CMKLR2: variants seen among roughly 807,000 people sequenced by gnomAD.
The protein encoded by CMKLR2 is chemerin-like receptor 2.
CMKLR2 carries 18 observed loss-of-function variants against 23.0 expected under a neutral mutation model. The observed-to-expected ratio is 0.78, with a 90% CI of 0.54 to 1.16. The LOEUF is 1.16. Ranked by LOEUF, CMKLR2 falls within the 50% of genes most tolerant of loss-of-function variation. The pLI, the probability that CMKLR2 is intolerant of heterozygous loss-of-function variation, is 0.00. For synonymous variants in CMKLR2, 158 were observed against 158.9 expected (o/e 0.99, Z 0.05); for missense variants, 401 against 412.7 (o/e 0.97, Z 0.25).
intron 1 of CMKLR2, among the ~76,000 whole-genome samples, chr2:206,193,343 C>T (rs915805886): frequency 3.3e-5 from 5 of 152,200 alleles, no homozygotes; most frequent in East Asian, 3.8e-4. Flanking sequence ...AGGTGATCCA[C>T]CTGGCTCAGC....
chr2:206,176,497 CA>C lies in CMKLR2; in HGVS notation c.750del (p.Val251TrpfsTer31), dbSNP rs749344865. 8.7e-6 allele frequency: 14 copies of C among 1,614,168 alleles called. No individual in the cohort carries two copies. In the African/African-American group the frequency reaches 1.7e-4, roughly 20 times the overall value. On this transcript the variant is annotated frameshift_variant, in exon 2 of 2. Transcript: ENST00000621141. LOFTEE classifies it high-confidence loss of function. ...ISSRHFWTIL[V>X]VVVAFVVCWT... ...CAGCAAACCACAAAGGCCACAACCACAACCAGAATTGTCCAGAAATGCCTAC... is the reference window on the plus strand; with the variant it reads ...CAGCAAACCACAAAGGCCACAACCACACCAGAATTGTCCAGAAATGCCTAC...
chr2:206,176,642 C>A lies in CMKLR2; in HGVS notation c.606G>T (p.Arg202Ser). The A allele has an allele frequency of 6.2e-7, 1 of 1,614,110 alleles. No homozygotes were observed. Among genetic ancestry groups the A allele is most frequent in the African/African-American group, 1.3e-5 (1 of 75,028 alleles). ...ATTTCACCCAAGTCAGAACATGGTG[C>A]CTGATCAAAGTGAGGTCAGGATCAT... ...QKHDPDLTLI[R>S]HHVLTWVKFI... The change falls in exon 2 of 2, where the codon AGG (arginine) becomes AGT (serine). Residue 202 changes from arginine (R) to serine (S), a missense_variant. Transcript: ENST00000621141.
At chr2:206,182,408 C>A (rs1198809978) in intron 1 of CMKLR2, among the ~76,000 whole-genome samples, 2 of 152,156 alleles carry the variant, frequency 1.3e-5, no homozygotes, top group African/African-American at 2.4e-5. Context: ...TTTTTAATTT[C>A]TTCTCTATTA....
At chr2:206,198,585 G>A (rs1688991895) in intron 1 of CMKLR2, among the ~76,000 whole-genome samples, 1 of 151,998 alleles carries the variant, frequency 6.6e-6, no homozygotes, top group Non-Finnish European at 1.5e-5. Context: ...TCCAGTAAAT[G>A]GTTTTTTGCA....
At chr2:206,208,182 C>A (rs1689409877) in intron 1 of CMKLR2, among the ~76,000 whole-genome samples, 1 of 152,158 alleles carries the variant, frequency 6.6e-6, no homozygotes, top group Non-Finnish European at 1.5e-5. Context: ...GAGCAGAGTG[C>A]TCAGTAGGTG....
upstream of CMKLR2, among the ~76,000 whole-genome samples, chr2:206,215,266 T>C (rs557548625): frequency 9.9e-5 from 15 of 152,252 alleles, no homozygotes; most frequent in Non-Finnish European, 2.2e-4. Flanking sequence ...AGTAGAGCTC[T>C]GCTAGTTTCC....
chr2:206,177,228 G>A lies in CMKLR2; in HGVS notation c.20C>T (p.Thr7Ile), dbSNP rs149464246. ...ATAGTTTTCAAATTCTTCAAATAAT[G>A]TTTCCTCCAAATCTTCCATGACCTT... MEDLEE[T>I]LFEEFENYSY... The change falls in exon 2 of 2, where the codon ACA (threonine) becomes ATA (isoleucine). Residue 7 changes from threonine (T) to isoleucine (I), a missense_variant. Transcript: ENST00000621141. The A allele has an allele frequency of 1.4e-3, 2,293 of 1,601,434 alleles. 2 individuals are homozygous for A. The highest frequency in any genetic ancestry group is 1.7e-3 in the Non-Finnish European group (2,041 of 1,172,000).
chr2:206,189,007 G>A (rs1321909863), intron 1 of CMKLR2, among the ~76,000 whole-genome samples: 1 of 152,152 alleles, frequency 6.6e-6, no homozygotes, highest in East Asian at 1.9e-4. Flanking sequence ...GAAACATTTT[G>A]TTCATCTACC....
intron 1 of CMKLR2, among the ~76,000 whole-genome samples, chr2:206,187,938 T>A (rs1335648267): frequency 6.6e-6 from 1 of 152,052 alleles, no homozygotes; most frequent in African/African-American, 2.4e-5. Context: ...CTTTCTGTCA[T>A]TCAGGCTGGA....
At chr2:206,190,513 G>C (rs1448692803) in intron 1 of CMKLR2, among the ~76,000 whole-genome samples, 4 of 152,200 alleles carry the variant, frequency 2.6e-5, no homozygotes, top group Non-Finnish European at 5.9e-5. Flanking sequence ...TAGACAGTGA[G>C]AGAATTGAGA....
At chr2:206,200,638 T>C (rs1689064215) in intron 1 of CMKLR2, among the ~76,000 whole-genome samples, 1 of 152,214 alleles carries the variant, frequency 6.6e-6, no homozygotes, top group Admixed American at 6.5e-5. Flanking sequence ...CCTTTTTATT[T>C]ATTTTTATAG....
intron 1 of CMKLR2, among the ~76,000 whole-genome samples, chr2:206,184,512 G>C (rs1688518317): frequency 1.3e-5 from 2 of 151,962 alleles, no homozygotes; most frequent in African/African-American, 4.8e-5. Flanking sequence ...GGCCAGGCTG[G>C]TCTCAAACTC....
chr2:206,186,909 C>T (rs1176104181), intron 1 of CMKLR2, among the ~76,000 whole-genome samples: 1 of 151,594 alleles, frequency 6.6e-6, no homozygotes, highest in African/African-American at 2.4e-5. Context: ...TGAAGTAGGC[C>T]AGGCACAGGG....
At chr2:206,183,991 T>C (rs1247412241) in intron 1 of CMKLR2, among the ~76,000 whole-genome samples, 6 of 152,314 alleles carry the variant, frequency 3.9e-5, no homozygotes, top group African/African-American at 1.4e-4. Context: ...AACAGAAATG[T>C]ATTGTCTCAC....
chr2:206,179,223 T>A (rs1688330320), intron 1 of CMKLR2, among the ~76,000 whole-genome samples: 1 of 149,998 alleles, frequency 6.7e-6, no homozygotes, highest in East Asian at 2.0e-4. Context: ...TACAGGCATG[T>A]GCCACTACGC....
chr2:206,205,770 G>A (rs911716354), intron 1 of CMKLR2, among the ~76,000 whole-genome samples: 4 of 151,924 alleles, frequency 2.6e-5, no homozygotes, highest in Non-Finnish European at 5.9e-5. Context: ...CGTGATCTCG[G>A]CTCCCCGCAA....
At chr2:206,190,346 A>C (rs940532541) in intron 1 of CMKLR2, among the ~76,000 whole-genome samples, 5 of 152,172 alleles carry the variant, frequency 3.3e-5, no homozygotes, top group African/African-American at 1.2e-4. Flanking sequence ...AAAGCATGTA[A>C]AAATGTTTGT....
chr2:206,216,856 C>T (rs73069617), upstream of CMKLR2, among the ~76,000 whole-genome samples: 146 of 152,228 alleles, frequency 9.6e-4, no homozygotes, highest in Middle Eastern at 3.4e-3. Context: ...CATCCCCTCC[C>T]CTCCCATCAA....
At chr2:206,182,245 A>G (rs148494404) in intron 1 of CMKLR2, among the ~76,000 whole-genome samples, 10 of 152,324 alleles carry the variant, frequency 6.6e-5, no homozygotes, top group Admixed American at 1.3e-4. Context: ...GAAGCTTAGT[A>G]ACTTACTCAA....
Sources: gnomAD v4.1 joint callset for allele counts (sites outside exome capture counted in the v4.1 genomes callset) on GRCh38, gnomAD v4.1.1 for gene constraint, MANE v1.5 for transcripts, NCBI Gene and HGNC (gene_info 2026-07-23, HGNC 2026-07-21) for gene names.